The following BACE2 variants were observed in gnomAD, a reference collection of about 807,000 sequenced individuals.
BACE2 encodes beta-secretase 2, also known as 56 kDa aspartic-like protease.
A neutral mutation model predicts 46.2 loss-of-function variants in BACE2; 17 were observed. The observed-to-expected ratio is 0.37, with a 90% CI of 0.25 to 0.55. The LOEUF (loss-of-function observed/expected upper bound fraction) is 0.55, where lower values mean the gene tolerates loss of function less well. Ranked by LOEUF, BACE2 falls within the 20% of genes least tolerant of loss-of-function variation. BACE2 has a pLI of 0.82. For synonymous variants in BACE2, 277 were observed against 295.9 expected (o/e 0.94, Z 0.66); for missense variants, 595 against 698.1 (o/e 0.85, Z 1.66).
rs556769842 is a variant in BACE2, at chr21:41,174,956, A to G, written c.312+6381A>G. 4.6e-5 allele frequency among the ~76,000 whole-genome samples: 7 copies of G among 152,210 alleles called. No individual in the cohort carries two copies. In the South Asian group the frequency reaches 8.3e-4, roughly 18 times the overall value. On this transcript the variant is annotated intron_variant, in intron 1 of 8. Transcript: ENST00000330333. The stretch of plus-strand genomic sequence containing the variant: ...CACCCCTTCTGTAATTTCCCTGGGT[A>G]TAAACATGTTTCTGGTGGAACCTGA...
intron 1 of BACE2, among the ~76,000 whole-genome samples, chr21:41,171,399 C>A (rs964558419): frequency 1.3e-5 from 2 of 152,182 alleles, no homozygotes; most frequent in African/African-American, 4.8e-5. Flanking sequence ...TAATCAGGAA[C>A]TAGAGGTCCA....
chr21:41,222,866 CCT>C (rs1173866265), intron 1 of BACE2, among the ~76,000 whole-genome samples: 1 of 152,134 alleles, frequency 6.6e-6, no homozygotes, highest in Non-Finnish European at 1.5e-5. Context: ...GGAAGGAAGC[CCT>C]AGGGATCACC....
chr21:41,274,812 C>G lies in BACE2; in HGVS notation c.1304-559C>G, dbSNP rs541774813. ...GGGTCTCTCAAGCCAGCCTGACCCC[C>G]GGAGGTCTCACAACCCACTAAGACT... On this transcript the variant is annotated intron_variant, in intron 8 of 8. Coordinates refer to ENST00000330333, the MANE Select transcript of BACE2 (RefSeq NM_012105.5). Among the ~76,000 whole-genome samples the G allele has an allele frequency of 3.3e-5, 5 of 152,266 alleles. No individual in the cohort carries two copies. The East Asian group carries it at 7.7e-4, about 24-fold the overall frequency.
rs561024317 is a variant in BACE2 at position 41,193,032 on chromosome 21, C to T, written c.312+24457C>T. Reference sequence around the variant, plus strand: ...CATCTCCTGGCACATAAATGTCTCACCAATAAGTCCAGTGTGTTTGCTACT... The same window carrying T: ...CATCTCCTGGCACATAAATGTCTCATCAATAAGTCCAGTGTGTTTGCTACT... On this transcript the variant is annotated intron_variant, in intron 1 of 8. Coordinates refer to ENST00000330333, the MANE Select transcript of BACE2 (RefSeq NM_012105.5). This position sits in a 1 kb window ranked among gnomAD's most constrained non-coding sequence, Gnocchi z 4.2. Among the ~76,000 whole-genome samples, 4 of 152,306 alleles carry T rather than the reference C, an allele frequency of 2.6e-5. No homozygotes were observed. The East Asian group carries it at 7.7e-4, about 29-fold the overall frequency.
intron 6 of BACE2, among the ~76,000 whole-genome samples, chr21:41,247,089 G>A (rs1987491621): frequency 1.3e-5 from 2 of 152,276 alleles, no homozygotes; most frequent in South Asian, 2.1e-4. Flanking sequence ...GCGTGGGGCT[G>A]ATTGTCCCGC....
chr21:41,241,611 G>A (rs550177800), intron 3 of BACE2: 139 of 544,162 alleles, frequency 2.6e-4, no homozygotes, highest in Admixed American at 4.1e-4. Flanking sequence ...CAACAGAGCC[G>A]TGCCCAAAGG....
intron 1 of BACE2, among the ~76,000 whole-genome samples, chr21:41,218,450 C>A (rs1289873973): frequency 6.6e-6 from 1 of 152,070 alleles, no homozygotes; most frequent in Admixed American, 6.6e-5. Context: ...TTGGGTGGGG[C>A]CCGTGGGAGG....
At chr21:41,169,826 C>T (rs1287272877) in intron 1 of BACE2, among the ~76,000 whole-genome samples, 2 of 152,124 alleles carry the variant, frequency 1.3e-5, no homozygotes, top group African/African-American at 4.8e-5. Flanking sequence ...CATGGGAAGC[C>T]ACGTGAGTGA....
chr21:41,271,818 C>T (rs1305026867), intron 8 of BACE2, among the ~76,000 whole-genome samples: 1 of 152,116 alleles, frequency 6.6e-6, no homozygotes, highest in Non-Finnish European at 1.5e-5. Context: ...ATATTATAAG[C>T]CACCCAGCAC....
At chr21:41,201,905 A>G (rs1985978453) in intron 1 of BACE2, among the ~76,000 whole-genome samples, 1 of 152,336 alleles carries the variant, frequency 6.6e-6, no homozygotes, top group South Asian at 2.1e-4. Context: ...GTCATTTTCA[A>G]TGATTAAAAT....
intron 1 of BACE2, chr21:41,179,154 T>A (rs1208339832): frequency 3.3e-6 from 4 of 1,196,904 alleles, no homozygotes; most frequent in Non-Finnish European, 4.3e-6. Flanking sequence ...AGTGAGGGTG[T>A]CCAGGGTGAG....
intron 1 of BACE2, chr21:41,225,802 G>A (rs1180869189): frequency 6.3e-6 from 1 of 157,584 alleles, no homozygotes; most frequent in Non-Finnish European, 1.4e-5. Context: ...ATGGAGGTGA[G>A]GGGCCACCAC....
At position 41,178,806 on chromosome 21, in the gene BACE2, CAGAG is replaced by C. The variant is rs544147163; in HGVS notation, c.312+10236_312+10239del. 247 of 227,548 alleles carry C rather than the reference CAGAG, an allele frequency of 1.1e-3. 1 individual carries two copies. The highest frequency in any genetic ancestry group is 4.9e-3 in the African/African-American group (217 of 44,072). The allele number at this position is 227,548 out of a possible 1,614,324, so 14.1% of individuals were successfully genotyped here. A position where few individuals can be genotyped will look rare whatever the true frequency, so the allele number is the denominator to read the frequency against. ...CCCTGGTATGCAACAGTCAACTAGA[CAGAG>C]AGAGTCTTGGCTTTTACAGAACCTC... is the stretch of plus-strand genomic sequence containing the variant. On this transcript the variant is annotated intron_variant, in intron 1 of 8. Transcript: ENST00000330333.
chr21:41,266,060 T>A (rs112489639), intron 8 of BACE2, among the ~76,000 whole-genome samples: 1 of 152,218 alleles, frequency 6.6e-6, no homozygotes. Context: ...ATTTGGGAGA[T>A]GTATATCTGT....
At chr21:41,238,843 A>G (rs2123597043) in intron 3 of BACE2, among the ~76,000 whole-genome samples, 1 of 147,776 alleles carries the variant, frequency 6.8e-6, no homozygotes, top group Non-Finnish European at 1.5e-5. Context: ...TGGGAGATAT[A>G]CCTAATGCTA....
intron 1 of BACE2, among the ~76,000 whole-genome samples, chr21:41,217,152 G>C (rs1418914513): frequency 6.6e-6 from 1 of 152,134 alleles, no homozygotes. Flanking sequence ...GGCTGGTCTT[G>C]AACTCTGACC....
At chr21:41,207,289 T>C (rs1181749880) in intron 1 of BACE2, among the ~76,000 whole-genome samples, 2 of 152,208 alleles carry the variant, frequency 1.3e-5, no homozygotes, top group African/African-American at 4.8e-5. Context: ...AATAGAAATG[T>C]TATTCTACTT....
At chr21:41,200,115 A>G (rs1322869941) in intron 1 of BACE2, among the ~76,000 whole-genome samples, 1 of 151,746 alleles carries the variant, frequency 6.6e-6, no homozygotes, top group Non-Finnish European at 1.5e-5. Context: ...GGTGCAGCAC[A>G]CCAACATGGC....
chr21:41,226,138 A>G, intron 1 of BACE2, 128 bp from the exon 2 acceptor site: 6 of 677,946 alleles, frequency 8.9e-6, no homozygotes, highest in Non-Finnish European at 1.2e-5. Flanking sequence ...CCTCGTCAGT[A>G]TACTTTTTTT....
Sources: allele counts gnomAD v4.1 joint callset (sites outside exome capture counted in the v4.1 genomes callset), GRCh38; gene constraint gnomAD v4.1.1; non-coding constraint Gnocchi (gnomAD v3.1); transcripts MANE v1.5; gene names NCBI Gene and HGNC (gene_info 2026-07-23, HGNC 2026-07-21).